The following SEMA5A variants were observed in gnomAD, a reference collection of about 807,000 sequenced individuals.
The protein encoded by SEMA5A is semaphorin-5A.
In SEMA5A, 55 loss-of-function variants were observed where a neutral mutation model predicts 135.5. The ratio of observed to expected loss-of-function variants is 0.41; its 90% CI spans 0.33 to 0.51. The LOEUF (loss-of-function observed/expected upper bound fraction) is 0.51, where lower values mean the gene tolerates loss of function less well. Ranked by LOEUF, SEMA5A falls within the 20% of genes least tolerant of loss-of-function variation. SEMA5A has a pLI of 0.37. For missense variants in SEMA5A, 1,290 were observed against 1,419.9 expected, an observed-to-expected ratio of 0.91 and a Z score of 1.47; for synonymous variants, 580 against 546.5, an observed-to-expected ratio of 1.06 and a Z score of -0.85.
At chr5:9,050,144 T>G (rs1197065410) in intron 21 of SEMA5A, among the ~76,000 whole-genome samples, 2 of 152,162 alleles carry the variant, frequency 1.3e-5, no homozygotes, top group Non-Finnish European at 2.9e-5. Flanking sequence ...TGGATCAAGG[T>G]GGGGCCTGAG....
At chr5:9,193,890 C>G (rs1320948427) in intron 10 of SEMA5A, among the ~76,000 whole-genome samples, 3 of 151,562 alleles carry the variant, frequency 2.0e-5, no homozygotes, top group African/African-American at 7.3e-5. Flanking sequence ...GAGCAAGACT[C>G]TGTCTCAAAA....
At chr5:9,062,101 T>C (rs1475173784) in intron 18 of SEMA5A, among the ~76,000 whole-genome samples, 3 of 152,178 alleles carry the variant, frequency 2.0e-5, no homozygotes, top group African/African-American at 7.2e-5. Context: ...CTAGAGTCCA[T>C]ATCCTTCGAG....
At chr5:9,199,127 C>T (rs1026077864) in intron 9 of SEMA5A, among the ~76,000 whole-genome samples, 27 of 152,116 alleles carry the variant, frequency 1.8e-4, no homozygotes, top group African/African-American at 6.5e-4. Context: ...AAAGGAAGAA[C>T]CTAATCTTCT....
chr5:9,175,802 C>CTAGGGAA (rs1351155344), intron 11 of SEMA5A, among the ~76,000 whole-genome samples: 1 of 152,194 alleles, frequency 6.6e-6, no homozygotes, highest in African/African-American at 2.4e-5. Context: ...TAGCTGTTTG[C>CTAGGGAA]TCCAAGGAAA....
chr5:9,302,331 G>A (rs1751650797), intron 5 of SEMA5A, among the ~76,000 whole-genome samples: 1 of 152,136 alleles, frequency 6.6e-6, no homozygotes, highest in East Asian at 1.9e-4. Flanking sequence ...GTAGAGTCCT[G>A]GCAATCCCAG....
chr5:9,305,708 G>GTGTGTATATATATATATATA (rs1554017498), intron 5 of SEMA5A, among the ~76,000 whole-genome samples: 2 of 139,228 alleles, frequency 1.4e-5, no homozygotes, highest in Admixed American at 1.4e-4. Flanking sequence ...GTGTGTGTGC[G>GTGTGTATATATATATATATA]TATATATATA....
At chr5:9,169,063 G>T (rs1354040467) in intron 11 of SEMA5A, among the ~76,000 whole-genome samples, 1 of 152,104 alleles carries the variant, frequency 6.6e-6, no homozygotes, top group Non-Finnish European at 1.5e-5. Flanking sequence ...AATCCTGGGG[G>T]TCTAATGTAC....
intron 1 of SEMA5A, among the ~76,000 whole-genome samples, chr5:9,493,289 CTATCT>C (rs1300061754): frequency 6.6e-6 from 1 of 150,412 alleles, no homozygotes; most frequent in Non-Finnish European, 1.5e-5. Context: ...CAGCATCTAT[CTATCT>C]ATCTATATAT....
At chr5:9,065,033 T>A (rs957896179) in intron 17 of SEMA5A, among the ~76,000 whole-genome samples, 1 of 152,240 alleles carries the variant, frequency 6.6e-6, no homozygotes, top group Non-Finnish European at 1.5e-5. Context: ...GTGACTATTA[T>A]TTTGTTACCC....
At chr5:9,515,410 G>C (rs1452198382) in intron 1 of SEMA5A, among the ~76,000 whole-genome samples, 1 of 152,174 alleles carries the variant, frequency 6.6e-6, no homozygotes, top group African/African-American at 2.4e-5. Context: ...GCCTTTAAAA[G>C]TTAACATAGG....
chr5:9,445,775 G>A (rs796647177), intron 1 of SEMA5A, among the ~76,000 whole-genome samples: 5 of 152,322 alleles, frequency 3.3e-5, no homozygotes, highest in African/African-American at 1.2e-4. Flanking sequence ...AGGCCTCATG[G>A]ACAATAAGTC....
Position 9,430,686 on chromosome 5 carries a change from C to T in SEMA5A, c.-78+7070G>A, listed in dbSNP as rs894413333. Among the ~76,000 whole-genome samples the T allele has an allele frequency of 5.3e-5, 8 of 152,098 alleles. No individual in the cohort carries two copies. The East Asian group carries it at 7.7e-4, about 15-fold the overall frequency. On this transcript the variant is annotated intron_variant, in intron 2 of 22. Transcript: ENST00000382496. ...GTTAAGTATGATGATGACTGAGCCT[C>T]GACTGCTGGATTTAGCAACATGGCG...
In SEMA5A at chr5:9,207,135, A is replaced by ATATATATATATAT. The variant is rs1579614392; in HGVS notation, c.647-4896_647-4895insATATATATATATA. Reference sequence around the variant, plus strand: ...ATATATATATATATATATATATATAAAGCTTAAAGGTCATTAGAATTTTAG... The same window carrying ATATATATATATAT: ...ATATATATATATATATATATATATAATATATATATATATAGCTTAAAGGTCATTAGAATTTTAG... On this transcript the variant is annotated intron_variant, in intron 8 of 22. Transcript: ENST00000382496. 2.7e-4 allele frequency among the ~76,000 whole-genome samples: 14 copies of ATATATATATATAT among 51,756 alleles called. No individual in the cohort carries two copies. In the East Asian group the frequency reaches 4.9e-3, roughly 18 times the overall value. 34.0% of individuals were successfully genotyped at this position (51,756 alleles called of 152,430 possible). A position where few individuals can be genotyped will look rare whatever the true frequency, so the allele number is the denominator to read the frequency against.
At chr5:9,510,162 G>T (rs973115544) in intron 1 of SEMA5A, among the ~76,000 whole-genome samples, 1 of 152,166 alleles carries the variant, frequency 6.6e-6, no homozygotes, top group South Asian at 2.1e-4. Flanking sequence ...GTGGCATCTG[G>T]CACAACGCCC....
chr5:9,138,729 A>G (rs553606297), intron 12 of SEMA5A, among the ~76,000 whole-genome samples: 4 of 152,210 alleles, frequency 2.6e-5, no homozygotes, highest in East Asian at 1.9e-4. Flanking sequence ...ACTGCATCCA[A>G]TTTGTGGTAT....
intron 3 of SEMA5A, among the ~76,000 whole-genome samples, chr5:9,356,838 A>T (rs755813081): frequency 4.6e-5 from 7 of 152,190 alleles, no homozygotes; most frequent in African/African-American, 7.2e-5. Flanking sequence ...TGTCTAAGTA[A>T]GAGCTCCTTT....
chr5:9,399,549 T>G (rs530288234), intron 2 of SEMA5A, among the ~76,000 whole-genome samples: 1 of 152,204 alleles, frequency 6.6e-6, no homozygotes, highest in African/African-American at 2.4e-5. Context: ...ACAGTGGTGG[T>G]TACACAGCTC....
rs552531410 is a variant in SEMA5A, at chr5:9,161,251, G to A, written c.1274-6556C>T. ...CATGGGAACGCAGTGACCTGAACGC[G>A]GGAACTGGGGAAGCAGCAATAGCAA... is the stretch of plus-strand genomic sequence containing the variant. On this transcript the variant is annotated intron_variant, in intron 11 of 22. Transcript: ENST00000382496. 5.1e-4 allele frequency among the ~76,000 whole-genome samples: 78 copies of A among 152,156 alleles called. No individual in the cohort carries two copies. The South Asian group carries it at 9.8e-3, about 19-fold the overall frequency.
At chr5:9,523,901 T>G (rs781220444) in intron 1 of SEMA5A, among the ~76,000 whole-genome samples, 1 of 151,736 alleles carries the variant, frequency 6.6e-6, no homozygotes, top group Non-Finnish European at 1.5e-5. Context: ...AGTGTTATGT[T>G]ATCACTATGT....
Sources: allele counts gnomAD v4.1 joint callset (sites outside exome capture counted in the v4.1 genomes callset), GRCh38; gene constraint gnomAD v4.1.1; transcripts MANE v1.5; gene names NCBI Gene and HGNC (gene_info 2026-07-23, HGNC 2026-07-21).